The following DYNLT5 variants were observed in gnomAD, a reference collection of about 807,000 sequenced individuals.
DYNLT5 encodes dynein light chain Tctex-type 5.
In DYNLT5, 25 loss-of-function variants were observed where a neutral mutation model predicts 19.3. The ratio of observed to expected loss-of-function variants is 1.30; its 90% confidence interval spans 0.95 to 1.81. DYNLT5 has a LOEUF of 1.81. DYNLT5 is among the 40% of genes most tolerant of loss of function. DYNLT5 has a pLI of 0.00. For missense variants in DYNLT5, 232 were observed against 217.9 expected (o/e 1.06, Z -0.41); for synonymous variants, 82 against 68.9 (o/e 1.19, Z -0.94).
At position 66,777,509 on chromosome 1, in the gene DYNLT5, T is replaced by C; in HGVS notation, c.*55T>C. The C allele has an allele frequency of 6.6e-7, 1 of 1,507,938 alleles. No homozygotes were observed. Among genetic ancestry groups the C allele is most frequent in the Non-Finnish European group, 9.0e-7 (1 of 1,111,056 alleles). The allele number at this position is 1,507,938 out of a possible 1,614,324, so 93.4% of individuals were successfully genotyped here. On this transcript the variant is annotated 3_prime_UTR_variant, in exon 5 of 5. Transcript: ENST00000282670. Reference sequence around the variant, plus strand: ...TGAAAATTCTGAGGCAGGCTGTATGTCTGTACACAAAAGTTTTACTGCCAA... The same window carrying C: ...TGAAAATTCTGAGGCAGGCTGTATGCCTGTACACAAAAGTTTTACTGCCAA...
At chr1:66,759,700 C>A (rs1388436845) in intron 2 of DYNLT5, among the ~76,000 whole-genome samples, 1 of 152,158 alleles carries the variant, frequency 6.6e-6, no homozygotes, top group Non-Finnish European at 1.5e-5. Context: ...ATCCAAATGG[C>A]AAAACAGAAG....
At chr1:66,757,239 T>C (rs974247849) in intron 2 of DYNLT5, among the ~76,000 whole-genome samples, 2 of 152,222 alleles carry the variant, frequency 1.3e-5, no homozygotes, top group Non-Finnish European at 2.9e-5. Flanking sequence ...GATTTAGCCC[T>C]ACAGTCTTGG....
At chr1:66,761,935 A>G (rs1449065286) in intron 2 of DYNLT5, among the ~76,000 whole-genome samples, 3 of 152,216 alleles carry the variant, frequency 2.0e-5, no homozygotes, top group African/African-American at 7.2e-5. Context: ...TAGTCCATTC[A>G]TCTCAAACCG....
intron 4 of DYNLT5, among the ~76,000 whole-genome samples, chr1:66,776,764 C>A (rs1431481452): frequency 1.3e-5 from 2 of 152,124 alleles, no homozygotes; most frequent in African/African-American, 4.8e-5. Context: ...GGTCTTCAAG[C>A]ACATTTCTAT....
chr1:66,752,880 G>T (rs539723074), intron 1 of DYNLT5, among the ~76,000 whole-genome samples: 1 of 152,316 alleles, frequency 6.6e-6, no homozygotes, highest in South Asian at 2.1e-4. Flanking sequence ...GTGGCTGGCC[G>T]CACCCATGAG....
intron 3 of DYNLT5, among the ~76,000 whole-genome samples, chr1:66,772,088 G>T (rs2150867455): frequency 6.6e-6 from 1 of 152,060 alleles, no homozygotes; most frequent in South Asian, 2.1e-4. Context: ...ACTTCTACTT[G>T]TTTCTGGGTT....
intron 3 of DYNLT5, chr1:66,770,841 T>A: frequency 3.6e-6 from 1 of 280,050 alleles, no homozygotes; most frequent in South Asian, 3.7e-5. Flanking sequence ...TGTTGTTAGG[T>A]GAAGGAAAAA....
chr1:66,776,279 G>A lies in DYNLT5; in HGVS notation c.212G>A (p.Gly71Asp). The change falls in exon 4 of 5, where the codon GGT (glycine) becomes GAT (aspartate). Residue 71 changes from glycine to aspartate, a missense_variant and splice_region_variant. By Grantham distance (94) the Gly-to-Asp change is moderately conservative (BLOSUM62 -1). Coordinates refer to ENST00000282670, the MANE Select transcript of DYNLT5 (RefSeq NM_152665.3). The part of the protein sequence containing the change: ...TVQMENTYQL[G>D]PPKHFPVVTV... ...AAATAAATTTTATGTGTATTTTCAG[G>A]TCCTCCCAAACATTTTCCTGTGGTC... The A allele has an allele frequency of 6.2e-7, 1 of 1,610,890 alleles. No individual in the cohort carries two copies. The highest frequency in any genetic ancestry group is 1.1e-5 in the South Asian group (1 of 90,302).
At chr1:66,770,307 C>T (rs1645196604) in intron 2 of DYNLT5, 80 bp from the exon 3 acceptor site, 2 of 946,546 alleles carry the variant, frequency 2.1e-6, no homozygotes, top group Non-Finnish European at 3.3e-6. Context: ...ATCTTTGTAA[C>T]ATTTTAGCTT....
intron 1 of DYNLT5, among the ~76,000 whole-genome samples, 181 bp downstream of exon 1, chr1:66,752,765 G>T (rs2094628337): frequency 6.6e-6 from 1 of 152,188 alleles, no homozygotes; most frequent in African/African-American, 2.4e-5. Context: ...CGGTCCCAAC[G>T]GTTCGTCCCC....
chr1:66,765,003 C>A (rs555873859), intron 2 of DYNLT5, among the ~76,000 whole-genome samples: 1 of 152,122 alleles, frequency 6.6e-6, no homozygotes, highest in Admixed American at 6.5e-5. Flanking sequence ...CATTCTACAT[C>A]CTGTTTTTTG....
intron 2 of DYNLT5, among the ~76,000 whole-genome samples, chr1:66,762,343 G>A (rs2094647398): frequency 6.6e-6 from 1 of 152,026 alleles, no homozygotes; most frequent in African/African-American, 2.4e-5. Context: ...TTGAATCTAT[G>A]TATTATTTTC....
chr1:66,757,696 A>C (rs899685396), intron 2 of DYNLT5, among the ~76,000 whole-genome samples: 1 of 152,154 alleles, frequency 6.6e-6, no homozygotes, highest in African/African-American at 2.4e-5. Context: ...GTATCATAGA[A>C]GCTCCATAAT....
At chr1:66,767,945 G>A (rs995645863) in intron 2 of DYNLT5, among the ~76,000 whole-genome samples, 2 of 152,184 alleles carry the variant, frequency 1.3e-5, no homozygotes, top group African/African-American at 4.8e-5. Context: ...AGCACAAAAA[G>A]AGACTGAGAA....
At chr1:66,775,130 G>T (rs1227556666) in intron 3 of DYNLT5, 1 of 152,228 alleles carries the variant, frequency 6.6e-6, no homozygotes. Flanking sequence ...GGAGGAAGAA[G>T]ATTCATTTGA....
At chr1:66,774,208 C>T (rs1874802) in intron 3 of DYNLT5, among the ~76,000 whole-genome samples, 11,274 of 152,060 alleles carry the variant, frequency 0.074, 928 homozygotes, top group African/African-American at 0.21. Flanking sequence ...AAAACATGTC[C>T]TCCAGCAGGT....
intron 2 of DYNLT5, among the ~76,000 whole-genome samples, chr1:66,757,826 A>T (rs112731745): frequency 6.6e-6 from 1 of 152,208 alleles, no homozygotes; most frequent in Non-Finnish European, 1.5e-5. Flanking sequence ...GCATGTAAAA[A>T]TAACAAGAAA....
In DYNLT5 at chr1:66,778,237, A is replaced by C. The variant is rs1028269530; in HGVS notation, c.*783A>C. The C allele has an allele frequency of 6.6e-6, 1 of 152,650 alleles. No individual in the cohort carries two copies. Among genetic ancestry groups the C allele is most frequent in the Non-Finnish European group, 1.5e-5 (1 of 68,040 alleles). 9.5% of individuals were successfully genotyped at this position (152,650 alleles called of 1,614,324 possible). On this transcript the variant is annotated 3_prime_UTR_variant, in exon 5 of 5. Transcript: ENST00000282670. Reference sequence around the variant, plus strand: ...ACACATAAAATCATTTATTGGAAAGAGACATTGCTTTTAAATATCCTAGGC... The same window carrying C: ...ACACATAAAATCATTTATTGGAAAGCGACATTGCTTTTAAATATCCTAGGC...
intron 2 of DYNLT5, among the ~76,000 whole-genome samples, chr1:66,757,894 C>T (rs2094639210): frequency 1.3e-5 from 2 of 152,130 alleles, no homozygotes; most frequent in South Asian, 2.1e-4. Flanking sequence ...TTCACTTGTG[C>T]GTTGTCTCTG....
Sources: allele counts gnomAD v4.1 joint callset (sites outside exome capture counted in the v4.1 genomes callset), GRCh38; gene constraint gnomAD v4.1.1; transcripts MANE v1.5; gene names NCBI Gene and HGNC (gene_info 2026-07-23, HGNC 2026-07-21).